CDK13: variants seen among roughly 807,000 people sequenced by gnomAD.
CDK13 encodes cyclin-dependent kinase 13.
A neutral mutation model predicts 137.6 loss-of-function variants in CDK13; 40 were observed. The ratio of observed to expected loss-of-function variants is 0.29; its 90% CI spans 0.23 to 0.38. The LOEUF (loss-of-function observed/expected upper bound fraction) is 0.38, where lower values mean the gene tolerates loss of function less well. Among genes scored for constraint, CDK13 ranks in the 10% least tolerant of loss-of-function variants. The probability of loss-of-function intolerance (pLI) is 1.00; values close to 1 mark genes in which losing one functional copy is unlikely to be tolerated. For synonymous variants in CDK13, 869 were observed against 760.1 expected, an observed-to-expected ratio of 1.14 and a Z score of -2.36; for missense variants, 1,704 against 1,951.8, an observed-to-expected ratio of 0.87 and a Z score of 2.39.
At chr7:40,072,528 G>C (rs1381107762) in intron 9 of CDK13, 2 of 152,192 alleles carry the variant, frequency 1.3e-5, no homozygotes, top group African/African-American at 4.8e-5. Flanking sequence ...CCACTGAGTT[G>C]AATCATGTTA....
At chr7:40,068,869 G>A (rs1562758439) in intron 9 of CDK13, among the ~76,000 whole-genome samples, 2 of 152,054 alleles carry the variant, frequency 1.3e-5, no homozygotes, top group African/African-American at 4.8e-5. Context: ...AGAAGACTAG[G>A]GAGGAGAAAT....
At chr7:40,001,388 T>C (rs192894951) in intron 4 of CDK13, among the ~76,000 whole-genome samples, 52 of 152,166 alleles carry the variant, frequency 3.4e-4, no homozygotes, top group Admixed American at 5.9e-4. Context: ...GCTAATTTTT[T>C]GTATTTTTAG....
Position 39,995,955 on chromosome 7 carries a change from C to T in CDK13, c.1872-1539C>T, listed in dbSNP as rs187782631. Among the ~76,000 whole-genome samples the T allele has an allele frequency of 1.1e-4, 16 of 152,190 alleles. No individual in the cohort carries two copies. The East Asian group carries it at 2.3e-3, about 22-fold the overall frequency. On this transcript the variant is annotated intron_variant, in intron 2 of 13. Coordinates refer to ENST00000181839, the MANE Select transcript of CDK13 (RefSeq NM_003718.5). ...AACTCGGGAGATGGAGGTTGCACTC[C>T]GTCTGGATCATGCCACTGCACTCCA...
intron 1 of CDK13, among the ~76,000 whole-genome samples, chr7:39,962,645 C>A (rs1336256788): frequency 6.6e-6 from 1 of 152,154 alleles, no homozygotes; most frequent in Non-Finnish European, 1.5e-5. Flanking sequence ...AATTAGATCC[C>A]GTTCGTCAAT....
At chr7:39,962,289 C>T (rs1783761979) in intron 1 of CDK13, among the ~76,000 whole-genome samples, 1 of 152,186 alleles carries the variant, frequency 6.6e-6, no homozygotes, top group African/African-American at 2.4e-5. Context: ...ACATCCTCTC[C>T]AGCACCTGTT....
chr7:39,997,833 C>G, intron 3 of CDK13, 169 bp downstream of exon 3: 2 of 552,864 alleles, frequency 3.6e-6, no homozygotes, highest in Admixed American at 7.5e-5. Flanking sequence ...TGCTTGCATT[C>G]CTATTCACAA....
chr7:39,955,096 T>C (rs547647049), intron 1 of CDK13, among the ~76,000 whole-genome samples: 4 of 152,334 alleles, frequency 2.6e-5, no homozygotes, highest in Admixed American at 2.6e-4. Flanking sequence ...GTATTTTCTT[T>C]ACTACTTGAC....
At position 40,095,017 on chromosome 7, in the gene CDK13, G is replaced by C; in HGVS notation, c.*37G>C. 1.5e-6 allele frequency: 2 copies of C among 1,343,660 alleles called. No homozygotes were observed. Among genetic ancestry groups the C allele is most frequent in the Non-Finnish European group, 1.9e-6 (2 of 1,041,418 alleles). The allele number at this position is 1,343,660 out of a possible 1,614,324, so 83.2% of individuals were successfully genotyped here. On this transcript the variant is annotated 3_prime_UTR_variant, in exon 14 of 14. Coordinates refer to ENST00000181839, the MANE Select transcript of CDK13 (RefSeq NM_003718.5). ...TCCTCAGGCACATCATTTTTATCTG[G>C]AAAGACTTTTCTAGCTGCAATTTAA... is the stretch of plus-strand genomic sequence containing the variant.
chr7:39,964,621 A>G (rs1051298638), intron 1 of CDK13, among the ~76,000 whole-genome samples: 3 of 137,766 alleles, frequency 2.2e-5, no homozygotes, highest in African/African-American at 8.1e-5. Flanking sequence ...TTGTGTCTCT[A>G]TTTCCTTCAG....
Position 40,090,103 on chromosome 7 carries a change from T to G in CDK13, c.3235+1772T>G, listed in dbSNP as rs75821173. On this transcript the variant is annotated intron_variant, in intron 12 of 13. Coordinates refer to ENST00000181839, the MANE Select transcript of CDK13 (RefSeq NM_003718.5). ...GTCCTGCTAACAAAAGGATGTGAAA[T>G]GGCAATAACAGAAATTTTGGATGGT... 1.8e-4 allele frequency among the ~76,000 whole-genome samples: 28 copies of G among 152,324 alleles called. 1 individual carries two copies. The East Asian group carries it at 5.4e-3, about 29-fold the overall frequency.
At chr7:40,025,443 A>C (rs1184052966) in intron 5 of CDK13, among the ~76,000 whole-genome samples, 2 of 152,114 alleles carry the variant, frequency 1.3e-5, no homozygotes, top group Non-Finnish European at 2.9e-5. Context: ...TATATTTGTA[A>C]ATGTAAACTT....
intron 5 of CDK13, among the ~76,000 whole-genome samples, chr7:40,045,626 G>T (rs1375723757): frequency 2.0e-5 from 3 of 150,938 alleles, no homozygotes; most frequent in Non-Finnish European, 4.4e-5. Flanking sequence ...TTTTTGCGGG[G>T]AGAAGAAAAT....
Position 39,996,402 on chromosome 7 carries a change from G to A in CDK13, c.1872-1092G>A, listed in dbSNP as rs377515145. Reference sequence around the variant, plus strand: ...TAGATGACAGACTTTGTCATATCAGGGAAATTTAAAATAAATTGCCAAGTT... The same window carrying A: ...TAGATGACAGACTTTGTCATATCAGAGAAATTTAAAATAAATTGCCAAGTT... On this transcript the variant is annotated intron_variant, in intron 2 of 13. Coordinates refer to ENST00000181839, the MANE Select transcript of CDK13 (RefSeq NM_003718.5). Among the ~76,000 whole-genome samples, 85 of 152,042 alleles carry A rather than the reference G, an allele frequency of 5.6e-4. 1 individual carries two copies. The highest frequency in any genetic ancestry group is 2.0e-3 in the African/African-American group (81 of 41,460).
chr7:40,044,236 TTAG>T (rs1815585795), intron 5 of CDK13, among the ~76,000 whole-genome samples: 1 of 151,982 alleles, frequency 6.6e-6, no homozygotes, highest in African/African-American at 2.4e-5. Flanking sequence ...GTCCTGGTCA[TTAG>T]TAGTAATTTT....
At chr7:39,981,508 C>CT (rs1413329586) in intron 1 of CDK13, among the ~76,000 whole-genome samples, 1 of 152,104 alleles carries the variant, frequency 6.6e-6, no homozygotes, top group Non-Finnish European at 1.5e-5. Flanking sequence ...ATTCTCATAA[C>CT]TTTTTATGGC....
intron 5 of CDK13, among the ~76,000 whole-genome samples, chr7:40,026,376 G>C (rs902192714): frequency 6.6e-6 from 1 of 152,114 alleles, no homozygotes; most frequent in African/African-American, 2.4e-5. Context: ...GAGCATGGTG[G>C]CACATGCCTG....
intron 9 of CDK13, chr7:40,069,244 GAAAT>G (rs1420557392): frequency 2.3e-6 from 1 of 439,030 alleles, no homozygotes; most frequent in Non-Finnish European, 4.5e-6. Context: ...CAAAAAAACA[GAAAT>G]AAAACAACAA....
At chr7:39,994,835 T>C (rs983072380) in intron 2 of CDK13, among the ~76,000 whole-genome samples, 6 of 152,140 alleles carry the variant, frequency 3.9e-5, no homozygotes, top group Non-Finnish European at 8.8e-5. Flanking sequence ...ATTTTTCTTT[T>C]TGAGAAACTT....
rs1784609425 is a variant in CDK13, at chr7:39,998,442, C to CAAAAAAA, written c.2042+778_2042+779insAAAAAAA. On this transcript the variant is annotated intron_variant, in intron 3 of 13. Coordinates refer to ENST00000181839, the MANE Select transcript of CDK13 (RefSeq NM_003718.5). ...GCAACACAGGGAGACCCCATCTCTA[C>CAAAAAAA]CAAAAAAAAAAAAAAAAAAAAAAAA... is the stretch of plus-strand genomic sequence containing the variant. 4.1e-4 allele frequency: 30 copies of CAAAAAAA among 72,626 alleles called. 11 individuals carry two copies. Among genetic ancestry groups the CAAAAAAA allele is most frequent in the African/African-American group, 1.9e-3 (26 of 13,416 alleles). 4.5% of individuals were successfully genotyped at this position (72,626 alleles called of 1,614,324 possible). A position where few individuals can be genotyped will look rare whatever the true frequency, so the allele number is the denominator to read the frequency against.
Sources: allele counts gnomAD v4.1 joint callset (sites outside exome capture counted in the v4.1 genomes callset), GRCh38; gene constraint gnomAD v4.1.1; transcripts MANE v1.5; gene names NCBI Gene and HGNC (gene_info 2026-07-23, HGNC 2026-07-21).